GALNT1: variants seen among roughly 807,000 people sequenced by gnomAD.
The protein encoded by GALNT1 is polypeptide N-acetylgalactosaminyltransferase 1.
In GALNT1, 17 loss-of-function variants were observed where a neutral mutation model predicts 65.7. The ratio of observed to expected loss-of-function variants is 0.26; its 90% CI spans 0.18 to 0.39. GALNT1 has a LOEUF of 0.39. Among genes scored for constraint, GALNT1 ranks in the 10% least tolerant of loss-of-function variants. The probability of loss-of-function intolerance (pLI) is 1.00; values close to 1 mark genes in which losing one functional copy is unlikely to be tolerated. For missense variants in GALNT1, 460 were observed against 672.8 expected (o/e 0.68, Z 3.50); for synonymous variants, 210 against 219.7 (o/e 0.96, Z 0.39).
intron 1 of GALNT1, among the ~76,000 whole-genome samples, chr18:35,646,623 T>TA (rs1411351668): frequency 1.3e-5 from 2 of 152,206 alleles, no homozygotes; most frequent in Admixed American, 6.5e-5. Flanking sequence ...GGGGAGGCCA[T>TA]AGAGTGTTTA....
intron 1 of GALNT1, among the ~76,000 whole-genome samples, chr18:35,623,420 C>A (rs1001001475): frequency 1.3e-5 from 2 of 151,668 alleles, no homozygotes; most frequent in Non-Finnish European, 2.9e-5. Flanking sequence ...TTGTATTTAT[C>A]TGCTTAGGTT....
At chr18:35,676,810 G>GA (rs2047717666) in intron 3 of GALNT1, among the ~76,000 whole-genome samples, 1 of 152,198 alleles carries the variant, frequency 6.6e-6, no homozygotes, top group East Asian at 1.9e-4. Flanking sequence ...CTGTTATCTA[G>GA]TAATTTCATC....
At chr18:35,677,843 A>C in intron 4 of GALNT1, 86 bp downstream of exon 4, 1 of 948,284 alleles carries the variant, frequency 1.1e-6, no homozygotes, top group Non-Finnish European at 1.5e-6. Flanking sequence ...TTAACCTAAT[A>C]ATTTTATACA....
chr18:35,610,364 A>G (rs2046702304), intron 1 of GALNT1, among the ~76,000 whole-genome samples: 1 of 152,170 alleles, frequency 6.6e-6, no homozygotes, highest in Admixed American at 6.5e-5. Flanking sequence ...CTTGCTAACA[A>G]GCCAACTCCT....
chr18:35,682,591 G>C (rs1375651719), intron 4 of GALNT1, among the ~76,000 whole-genome samples: 1 of 152,204 alleles, frequency 6.6e-6, no homozygotes, highest in Non-Finnish European at 1.5e-5. Flanking sequence ...TTTGCTTTGA[G>C]GAAGTTGCAC....
At chr18:35,635,241 A>G (rs929818830) in intron 1 of GALNT1, among the ~76,000 whole-genome samples, 3 of 152,144 alleles carry the variant, frequency 2.0e-5, no homozygotes, top group Admixed American at 6.6e-5. Context: ...CACATGCAAG[A>G]TGTCTCTAGC....
chr18:35,621,558 T>G (rs879725633), intron 1 of GALNT1, among the ~76,000 whole-genome samples: 7,733 of 139,644 alleles, frequency 0.055, 410 homozygotes, highest in African/African-American at 0.1. Context: ...TCATTATCTG[T>G]ATGTATCTGA....
intron 1 of GALNT1, among the ~76,000 whole-genome samples, chr18:35,599,325 T>C (rs1221272362): frequency 2.0e-5 from 3 of 151,904 alleles, no homozygotes; most frequent in Non-Finnish European, 4.4e-5. Flanking sequence ...TTTGCAGTGT[T>C]TTCTTCTAGT....
In GALNT1 at chr18:35,654,629, A is replaced by G. The variant is rs1386075313; in HGVS notation, c.-34A>G. The G allele has an allele frequency of 1.6e-5, 19 of 1,212,264 alleles. No individual in the cohort carries two copies. The highest frequency in any genetic ancestry group is 4.4e-4 in the Middle Eastern group (2 of 4,568). 75.1% of individuals were successfully genotyped at this position (1,212,264 alleles called of 1,614,324 possible). On this transcript the variant is annotated 5_prime_UTR_variant, in exon 2 of 12. In the 5' UTR this introduces an upstream ATG that the reference lacks. Transcript: ENST00000269195. Reference sequence around the variant, plus strand: ...ATGATCTTTGTATATTTATATATATATATTTTTAAATTTTGCATTTGACTT... The same window carrying G: ...ATGATCTTTGTATATTTATATATATGTATTTTTAAATTTTGCATTTGACTT...
intron 1 of GALNT1, among the ~76,000 whole-genome samples, chr18:35,592,558 A>G (rs1305977982): frequency 6.6e-6 from 1 of 152,152 alleles, no homozygotes. Context: ...TTGGCATGGT[A>G]TAGCTGATGC....
Position 35,642,095 on chromosome 18 carries a change from C to T in GALNT1, c.-103-12465C>T, listed in dbSNP as rs149732901. On this transcript the variant is annotated intron_variant, in intron 1 of 11. Coordinates refer to ENST00000269195, the MANE Select transcript of GALNT1 (RefSeq NM_020474.4). ...TCAAAAAGCCTGAAATCTTTATCAT[C>T]TGGCCCTTTGCAGAAAATATTTACT... is the stretch of plus-strand genomic sequence containing the variant. Among the ~76,000 whole-genome samples, 782 of 152,272 alleles carry T rather than the reference C, an allele frequency of 5.1e-3. 4 individuals are homozygous for T. Among genetic ancestry groups the T allele is most frequent in the Middle Eastern group, 0.024 (7 of 294 alleles).
At chr18:35,618,035 C>CT (rs35456192) in intron 1 of GALNT1, among the ~76,000 whole-genome samples, 17,421 of 138,686 alleles carry the variant, frequency 0.13, 1,134 homozygotes, top group Admixed American at 0.2. Flanking sequence ...CTTTGCTGTT[C>CT]TTTTTTTTTT....
At position 35,599,236 on chromosome 18, in the gene GALNT1, G is replaced by C. The variant is rs373847987; in HGVS notation, c.-104+17374G>C. Among the ~76,000 whole-genome samples, 70 of 151,872 alleles carry C rather than the reference G, an allele frequency of 4.6e-4. 3 individuals are homozygous for C. In the East Asian group the frequency reaches 7.5e-3, roughly 16 times the overall value. ...TTTTTAGCTTGATGTGCTCCCATTT[G>C]CCTACATTTACCTTTGTTGCCTGTG... On this transcript the variant is annotated intron_variant, in intron 1 of 11. Transcript: ENST00000269195.
intron 1 of GALNT1, among the ~76,000 whole-genome samples, chr18:35,650,756 T>C (rs2047301101): frequency 6.6e-6 from 1 of 152,220 alleles, no homozygotes; most frequent in South Asian, 2.1e-4. Context: ...TTATCTTCCT[T>C]GTTCCCTGAA....
chr18:35,581,480 C>T (rs1195384887), upstream of GALNT1, among the ~76,000 whole-genome samples: 1 of 145,830 alleles, frequency 6.9e-6, no homozygotes, highest in African/African-American at 2.5e-5. Context: ...CACGGGCCGC[C>T]GCCGCCGCTG....
intron 1 of GALNT1, among the ~76,000 whole-genome samples, chr18:35,582,090 C>G (rs2046329300): frequency 6.6e-6 from 1 of 152,072 alleles, no homozygotes; most frequent in African/African-American, 2.4e-5. Flanking sequence ...AGTTTCCGTC[C>G]TAGTTTGACA....
intron 7 of GALNT1, among the ~76,000 whole-genome samples, chr18:35,689,507 T>C (rs2047922601): frequency 6.6e-6 from 1 of 152,182 alleles, no homozygotes; most frequent in South Asian, 2.1e-4. Context: ...GCTATAAAAC[T>C]TACACAAGAT....
intron 1 of GALNT1, among the ~76,000 whole-genome samples, chr18:35,650,975 A>G (rs1029951972): frequency 2.6e-5 from 4 of 152,250 alleles, no homozygotes; most frequent in Non-Finnish European, 5.9e-5. Context: ...AGAAATCTTC[A>G]CAATTTGTTC....
intron 1 of GALNT1, among the ~76,000 whole-genome samples, chr18:35,611,793 T>C (rs2046721504): frequency 6.6e-6 from 1 of 152,210 alleles, no homozygotes; most frequent in East Asian, 1.9e-4. Flanking sequence ...AAATGCAGTG[T>C]TTGACTGCCT....
Sources: allele counts gnomAD v4.1 joint callset (sites outside exome capture counted in the v4.1 genomes callset), GRCh38; gene constraint gnomAD v4.1.1; transcripts MANE v1.5; gene names NCBI Gene and HGNC (gene_info 2026-07-23, HGNC 2026-07-21).